The following ADRA1A variants were observed in gnomAD, a reference collection of about 807,000 sequenced individuals.
ADRA1A encodes the protein adrenoceptor alpha 1A, also known as alpha-1A adrenergic receptor.
ADRA1A carries 31 observed loss-of-function variants against 29.6 expected under a neutral mutation model. The ratio of observed to expected loss-of-function variants is 1.05; its 90% CI spans 0.79 to 1.41. ADRA1A has a LOEUF of 1.41. Among genes scored for constraint, ADRA1A ranks in the 40% most tolerant of loss-of-function variants. The pLI, the probability that ADRA1A is intolerant of heterozygous loss-of-function variation, is 0.00. For synonymous variants in ADRA1A, 311 were observed against 254.3 expected, an observed-to-expected ratio of 1.22 and a Z score of -2.12; for missense variants, 619 against 601.1, an observed-to-expected ratio of 1.03 and a Z score of -0.31.
intron 2 of ADRA1A, among the ~76,000 whole-genome samples, chr8:26,788,734 CA>C (rs1395396539): frequency 6.6e-6 from 1 of 152,046 alleles, no homozygotes; most frequent in Non-Finnish European, 1.5e-5. Flanking sequence ...AAGCTGGGTT[CA>C]AACCCATGCT....
rs1033544792 is a variant in ADRA1A at position 26,866,106 on chromosome 8, G to A, written c.-686-451C>T. On this transcript the variant is annotated intron_variant, in intron 1 of 2. Coordinates refer to ENST00000380573, the MANE Select transcript of ADRA1A (RefSeq NM_000680.4). The surrounding 1 kb of genome is among the most constrained non-coding windows in gnomAD (Gnocchi z 5.7). Reference sequence around the variant, plus strand: ...GCCTCGCAGTCACCTGGAGGGGGCGGCCTGGGAGAGGGAACAGCTGCGACC... The same window carrying A: ...GCCTCGCAGTCACCTGGAGGGGGCGACCTGGGAGAGGGAACAGCTGCGACC... Among the ~76,000 whole-genome samples the A allele has an allele frequency of 4.6e-5, 7 of 152,162 alleles. No individual in the cohort carries two copies. The highest frequency in any genetic ancestry group is 1.4e-4 in the African/African-American group (6 of 41,446).
chr8:26,853,080 T>C (rs1224805707), intron 2 of ADRA1A, among the ~76,000 whole-genome samples: 1 of 152,124 alleles, frequency 6.6e-6, no homozygotes, highest in Non-Finnish European at 1.5e-5. Context: ...AGCAAATGTT[T>C]AATTTAACAA....
intron 2 of ADRA1A, among the ~76,000 whole-genome samples, chr8:26,852,781 G>GA (rs929991008): frequency 8.6e-5 from 13 of 151,732 alleles, no homozygotes; most frequent in South Asian, 4.2e-4. Context: ...ACAGTTTATA[G>GA]AAAAAAAATG....
chr8:26,837,808 T>G (rs199994145), intron 2 of ADRA1A, among the ~76,000 whole-genome samples: 1 of 105,242 alleles, frequency 9.5e-6, no homozygotes, highest in Non-Finnish European at 2.2e-5. Flanking sequence ...TGAGCTGACA[T>G]GTTTGGAGAA....
Position 26,831,533 on chromosome 8 carries a change from C to T in ADRA1A, c.883+32554G>A, listed in dbSNP as rs1462921339. On this transcript the variant is annotated intron_variant, in intron 2 of 2. Transcript: ENST00000380573. This position sits in a 1 kb window ranked among gnomAD's most constrained non-coding sequence, Gnocchi z 5.2. ...CAGTTTGGAAAGGGTGTAGAGGTCA[C>T]GGAAGTGTCAGGTCACACCCAATGT... 1.3e-5 allele frequency among the ~76,000 whole-genome samples: 2 copies of T among 152,086 alleles called. No homozygotes were observed. The highest frequency in any genetic ancestry group is 2.4e-5 in the African/African-American group (1 of 41,416).
downstream of ADRA1A, among the ~76,000 whole-genome samples, chr8:26,760,859 G>C (rs1805470999): frequency 6.6e-6 from 1 of 152,220 alleles, no homozygotes; most frequent in Non-Finnish European, 1.5e-5. Flanking sequence ...ACCTAACTGG[G>C]ATCTTACTGT....
rs1395666238 is a variant in ADRA1A, at chr8:26,866,456, C to T, written c.-687+480G>A. Among the ~76,000 whole-genome samples the T allele has an allele frequency of 2.0e-5, 3 of 152,120 alleles. No individual in the cohort carries two copies. The highest frequency in any genetic ancestry group is 4.4e-5 in the Non-Finnish European group (3 of 68,036). ...GATTTTGCAGGCGTAAACATTAAGCCGGCATGCCAGCGGGCAGGGGCCGCC... is the reference window on the plus strand; with the variant it reads ...GATTTTGCAGGCGTAAACATTAAGCTGGCATGCCAGCGGGCAGGGGCCGCC... On this transcript the variant is annotated intron_variant, in intron 1 of 2. Coordinates refer to ENST00000380573, the MANE Select transcript of ADRA1A (RefSeq NM_000680.4). This position sits in a 1 kb window ranked among gnomAD's most constrained non-coding sequence, Gnocchi z 5.7.
chr8:26,792,187 G>A (rs886504377), intron 2 of ADRA1A, among the ~76,000 whole-genome samples: 10 of 152,130 alleles, frequency 6.6e-5, no homozygotes, highest in African/African-American at 2.2e-4. Flanking sequence ...AATCTACAGA[G>A]GATGTCTCCT....
intron 2 of ADRA1A, among the ~76,000 whole-genome samples, chr8:26,780,815 G>A (rs370031275): frequency 1.1e-4 from 17 of 152,144 alleles, no homozygotes; most frequent in Admixed American, 9.2e-4. Flanking sequence ...CAACCCTATC[G>A]TGAACTGCAC....
In ADRA1A at chr8:26,864,089, A is replaced by G. The variant is rs894242368; in HGVS notation, c.881T>C (p.Ile294Thr). 6 of 1,612,110 alleles carry G rather than the reference A, an allele frequency of 3.7e-6. No homozygotes were observed. The highest frequency in any genetic ancestry group is 1.7e-4 in the Middle Eastern group (1 of 6,038). The change falls in exon 2 of 3, where the codon ATT becomes ACT. Residue 294 changes from isoleucine (I) to threonine (T), a missense_variant and splice_region_variant. By Grantham distance (89) the Ile-to-Thr change is moderately conservative. Transcript: ENST00000380573. The surrounding 1 kb of genome is among the most constrained non-coding windows in gnomAD (Gnocchi z 8.1). ...AGTGAGGGGTGTTCAAGACTTACCA[A>G]TGGGCATGACTAAGAAAAAAGGCAG... ...CWLPFFLVMP[I>T]GSFFPDFKPS...
At chr8:26,783,903 G>A (rs1439034154) in intron 2 of ADRA1A, among the ~76,000 whole-genome samples, 2 of 152,110 alleles carry the variant, frequency 1.3e-5, no homozygotes, top group Non-Finnish European at 2.9e-5. Context: ...GTTGGAACCT[G>A]TTATCATCAG....
At position 26,865,152 on chromosome 8, in the gene ADRA1A, C is replaced by A. The variant is rs1813813562; in HGVS notation, c.-183G>T. 10 of 1,436,040 alleles carry A rather than the reference C, an allele frequency of 7.0e-6. No individual in the cohort carries two copies. The highest frequency in any genetic ancestry group is 5.7e-5 in the Admixed American group (2 of 34,874). 89.0% of individuals were successfully genotyped at this position (1,436,040 alleles called of 1,614,324 possible). On this transcript the variant is annotated 5_prime_UTR_variant, in exon 2 of 3. Transcript: ENST00000380573. The surrounding 1 kb of genome is among the most constrained non-coding windows in gnomAD (Gnocchi z 7.6). ...AACAACCCTGGCCAGCCCTGGGAACCCTCAGAAGGCCACATGAAGGGGCAG... is the reference window on the plus strand; with the variant it reads ...AACAACCCTGGCCAGCCCTGGGAACACTCAGAAGGCCACATGAAGGGGCAG...
intron 2 of ADRA1A, among the ~76,000 whole-genome samples, chr8:26,854,839 C>A (rs1360222128): frequency 2.0e-5 from 3 of 152,170 alleles, no homozygotes; most frequent in African/African-American, 7.2e-5. Flanking sequence ...CCCGAAATTC[C>A]TATGTTGGAA....
exon 3 of ADRA1A, chr8:26,748,290 A>ATG (rs142575448): frequency 6.3e-6 from 1 of 159,506 alleles, no homozygotes; most frequent in Non-Finnish European, 1.4e-5. Flanking sequence ...CATGGAGAGA[A>ATG]TGTGTGTGTG....
Position 26,841,550 on chromosome 8 carries a change from C to T in ADRA1A, c.883+22537G>A, listed in dbSNP as rs556793. Among the ~76,000 whole-genome samples, 86,995 of 152,026 alleles carry T rather than the reference C, an allele frequency of 0.57. 25,657 individuals carry two copies. The highest frequency in any genetic ancestry group is 0.71 in the African/African-American group (29,415 of 41,480). ...GGACCCTTGGTGGAGCCCTTGATGG[C>T]GACAGCACAATCTTTCATCCCTTTG... On this transcript the variant is annotated intron_variant, in intron 2 of 2. Coordinates refer to ENST00000380573, the MANE Select transcript of ADRA1A (RefSeq NM_000680.4). The surrounding 1 kb of genome is among the most constrained non-coding windows in gnomAD (Gnocchi z 4.4).
chr8:26,783,260 A>C (rs903535111), intron 2 of ADRA1A, among the ~76,000 whole-genome samples: 1 of 152,204 alleles, frequency 6.6e-6, no homozygotes, highest in African/African-American at 2.4e-5. Context: ...ACTTGGCTGG[A>C]TAAGTAGGTA....
intron 2 of ADRA1A, among the ~76,000 whole-genome samples, chr8:26,832,649 T>C (rs1396172482): frequency 6.6e-6 from 1 of 151,974 alleles, no homozygotes; most frequent in Non-Finnish European, 1.5e-5. Flanking sequence ...GATGACACTT[T>C]AACAGTTCAA....
chr8:26,777,866 T>C (rs1277643287), intron 2 of ADRA1A, among the ~76,000 whole-genome samples: 2 of 152,174 alleles, frequency 1.3e-5, no homozygotes, highest in Non-Finnish European at 2.9e-5. Flanking sequence ...GCCTGCCCAG[T>C]GTGGGATGGA....
At chr8:26,857,206 C>G (rs1045439346) in intron 2 of ADRA1A, among the ~76,000 whole-genome samples, 1 of 152,114 alleles carries the variant, frequency 6.6e-6, no homozygotes, top group Non-Finnish European at 1.5e-5. Context: ...TAGAAGGGAA[C>G]AGAGGCCACC....
Sources: gnomAD v4.1 joint callset for allele counts (sites outside exome capture counted in the v4.1 genomes callset) on GRCh38, gnomAD v4.1.1 for gene constraint, Gnocchi (gnomAD v3.1) non-coding constraint, MANE v1.5 for transcripts, NCBI Gene and HGNC (gene_info 2026-07-23, HGNC 2026-07-21) for gene names.